Variants in PID1 observed in about 807,000 individuals in gnomAD.
PID1 encodes phosphotyrosine interaction domain containing 1, also known as PTB-containing, cubilin and LRP1-interacting protein.
A neutral mutation model predicts 19.1 loss-of-function variants in PID1; 10 were observed. The observed-to-expected ratio is 0.52, with a 90% confidence interval of 0.32 to 0.89. The LOEUF is 0.89. PID1 is among the 40% of genes least tolerant of loss of function. The probability of loss-of-function intolerance (pLI) is 0.03; values close to 1 mark genes in which losing one functional copy is unlikely to be tolerated. For missense variants in PID1, 248 were observed against 285.3 expected (o/e 0.87, Z 0.94); for synonymous variants, 130 against 116.0 (o/e 1.12, Z -0.78).
At chr2:229,030,809 A>T (rs1361355590) in intron 2 of PID1, among the ~76,000 whole-genome samples, 1 of 152,198 alleles carries the variant, frequency 6.6e-6, no homozygotes, top group East Asian at 1.9e-4. Context: ...TGAAAGAAAT[A>T]AGGTTGTATT....
chr2:229,165,102 A>C (rs1046728826), intron 1 of PID1, among the ~76,000 whole-genome samples: 1 of 152,342 alleles, frequency 6.6e-6, no homozygotes, highest in Admixed American at 6.5e-5. Flanking sequence ...AAGAAGTTCT[A>C]GTGCCACTAG....
chr2:229,072,567 G>A (rs922703532), intron 2 of PID1, among the ~76,000 whole-genome samples: 4 of 150,748 alleles, frequency 2.7e-5, no homozygotes, highest in East Asian at 1.9e-4. Context: ...CAGCCTGGGC[G>A]ACAGAGTGAG....
chr2:229,099,216 G>A (rs557163879), intron 2 of PID1, among the ~76,000 whole-genome samples: 160 of 152,284 alleles, frequency 1.1e-3, no homozygotes, highest in Middle Eastern at 6.8e-3. Context: ...TTAAAAATAC[G>A]TGTTTCAAAC....
intron 2 of PID1, among the ~76,000 whole-genome samples, chr2:229,139,543 A>T (rs1229074887): frequency 6.6e-6 from 1 of 152,166 alleles, no homozygotes. Context: ...CAAACAACGA[A>T]CAAAAAAGCC....
chr2:229,175,862 T>C (rs536724794), intron 1 of PID1, among the ~76,000 whole-genome samples: 15 of 152,302 alleles, frequency 9.8e-5, no homozygotes, highest in South Asian at 8.3e-4. Context: ...AACCTAAACA[T>C]AGACTACGCA....
chr2:229,239,177 T>C (rs1689804686), intron 1 of PID1, among the ~76,000 whole-genome samples: 2 of 152,190 alleles, frequency 1.3e-5, no homozygotes, highest in African/African-American at 2.4e-5. Context: ...ATTGCTGGGC[T>C]GCACTCCCAG....
chr2:229,216,031 T>G (rs1475505748), intron 1 of PID1, among the ~76,000 whole-genome samples: 1 of 152,152 alleles, frequency 6.6e-6, no homozygotes, highest in Non-Finnish European at 1.5e-5. Context: ...AACCTCATAT[T>G]TCCTGCAGAA....
intron 1 of PID1, among the ~76,000 whole-genome samples, chr2:229,171,116 A>G (rs1690703974): frequency 6.6e-6 from 1 of 152,264 alleles, no homozygotes; most frequent in Non-Finnish European, 1.5e-5. Context: ...ATCGGAACAT[A>G]GCACGTACAT....
intron 2 of PID1, among the ~76,000 whole-genome samples, chr2:229,041,754 C>T (rs1693774757): frequency 1.3e-5 from 2 of 152,146 alleles, no homozygotes; most frequent in South Asian, 2.1e-4. Flanking sequence ...TTCAACATTA[C>T]TTCCATTACC....
Position 229,271,031 on chromosome 2 carries a change from C to T in PID1, c.13G>A (p.Ala5Thr). The T allele has an allele frequency of 1.3e-6, 2 of 1,543,122 alleles. No homozygotes were observed. The highest frequency in any genetic ancestry group is 1.7e-6 in the Non-Finnish European group (2 of 1,144,106). Residue 5 changes from alanine (A) to threonine (T), a missense_variant, in exon 1 of 3, where the codon GCC becomes ACC. Ala to Thr is a moderately conservative substitution (Grantham distance 58). Coordinates refer to ENST00000392055, the MANE Select transcript of PID1 (RefSeq NM_001100818.2). ...CCCCTTACCTGCAGGCGCTCCGTGGCCGGCTGCCACATCTTCCAGCCCTGG... is the reference window on the plus strand; with the variant it reads ...CCCCTTACCTGCAGGCGCTCCGTGGTCGGCTGCCACATCTTCCAGCCCTGG... The part of the protein sequence containing the change: MWQP[A>T]TERLQHFQTM...
At chr2:229,223,997 T>C (rs893587207) in intron 1 of PID1, among the ~76,000 whole-genome samples, 3 of 152,146 alleles carry the variant, frequency 2.0e-5, no homozygotes, top group African/African-American at 7.2e-5. Context: ...TATGTACCCA[T>C]TATTTAGTTC....
rs183640405 is a variant in PID1 at position 229,262,911 on chromosome 2, C to G, written c.30+8103G>C. 2.5e-5 allele frequency: 37 copies of G among 1,485,468 alleles called. No individual in the cohort carries two copies. The African/African-American group carries it at 4.8e-4, about 19-fold the overall frequency. 92.0% of individuals were successfully genotyped at this position (1,485,468 alleles called of 1,614,324 possible). ...AATCTCTCCTTATAAGGACATTAGT[C>G]ATTGGCTCTAGGGTTCACCCTAATT... On this transcript the variant is annotated intron_variant, in intron 1 of 2. Coordinates refer to ENST00000392055, the MANE Select transcript of PID1 (RefSeq NM_001100818.2).
chr2:229,132,051 T>C (rs1689753613), intron 2 of PID1, among the ~76,000 whole-genome samples: 1 of 152,174 alleles, frequency 6.6e-6, no homozygotes, highest in African/African-American at 2.4e-5. Context: ...ACTTCTTTGT[T>C]TCCAGGGACT....
chr2:229,026,636 C>T (rs1693430806), intron 2 of PID1, among the ~76,000 whole-genome samples: 1 of 152,236 alleles, frequency 6.6e-6, no homozygotes, highest in South Asian at 2.1e-4. Context: ...AAAAACTGTT[C>T]TCTTGAAATT....
At chr2:229,112,746 A>G (rs896881532) in intron 2 of PID1, among the ~76,000 whole-genome samples, 1 of 152,086 alleles carries the variant, frequency 6.6e-6, no homozygotes, top group Non-Finnish European at 1.5e-5. Flanking sequence ...TGGCCTCCTA[A>G]AGTGCTGGGA....
At chr2:229,239,276 C>G (rs1299646047) in intron 1 of PID1, among the ~76,000 whole-genome samples, 1 of 151,948 alleles carries the variant, frequency 6.6e-6, no homozygotes, top group African/African-American at 2.4e-5. Flanking sequence ...AACTGAGGAC[C>G]AATTAGAGAA....
In PID1 at chr2:229,255,369, C is replaced by T. The variant is rs566551021; in HGVS notation, c.30+15645G>A. On this transcript the variant is annotated intron_variant, in intron 1 of 2. Transcript: ENST00000392055. ...CACTCAGCAAAGTAAATGAAAGCAG[C>T]AGTAAGTTTGCTCCCAAGATGACCA... Among the ~76,000 whole-genome samples the T allele has an allele frequency of 5.9e-5, 9 of 152,250 alleles. No individual in the cohort carries two copies. The South Asian group carries it at 1.9e-3, about 32-fold the overall frequency.
At chr2:229,241,410 A>T (rs959484619) in intron 1 of PID1, among the ~76,000 whole-genome samples, 1 of 152,144 alleles carries the variant, frequency 6.6e-6, no homozygotes, top group African/African-American at 2.4e-5. Context: ...TTGGTAGGCT[A>T]GGTCTGTTTC....
chr2:229,158,220 T>C (rs1207551748), intron 1 of PID1, among the ~76,000 whole-genome samples: 1 of 152,224 alleles, frequency 6.6e-6, no homozygotes, highest in Non-Finnish European at 1.5e-5. Context: ...AAGATTTATT[T>C]TAAAACAGCT....
Sources: allele counts gnomAD v4.1 joint callset (sites outside exome capture counted in the v4.1 genomes callset), GRCh38; gene constraint gnomAD v4.1.1; transcripts MANE v1.5; gene names NCBI Gene and HGNC (gene_info 2026-07-23, HGNC 2026-07-21).